Variants in MTMR7 observed in about 807,000 individuals in gnomAD.
The protein encoded by MTMR7 is phosphatidylinositol-3-phosphate phosphatase MTMR7.
In MTMR7, 76 loss-of-function variants were observed where a neutral mutation model predicts 81.2. That is an observed-to-expected ratio of 0.94 (90% CI 0.78 to 1.13). MTMR7 has a LOEUF of 1.13. Among genes scored for constraint, MTMR7 ranks in the 50% most tolerant of loss-of-function variants. The probability of loss-of-function intolerance (pLI) is 0.00; values close to 1 mark genes in which losing one functional copy is unlikely to be tolerated. For missense variants in MTMR7, 1,044 were observed against 820.0 expected, an observed-to-expected ratio of 1.27 and a Z score of -3.34; for synonymous variants, 372 against 289.8, an observed-to-expected ratio of 1.28 and a Z score of -2.88.
chr8:17,299,226 G>A lies in MTMR7; in HGVS notation c.*636C>T, dbSNP rs1586119378. 6.6e-6 allele frequency: 1 copy of A among 152,154 alleles called. No individual in the cohort carries two copies. The highest frequency in any genetic ancestry group is 1.5e-5 in the Non-Finnish European group (1 of 68,030). 9.4% of individuals were successfully genotyped at this position (152,154 alleles called of 1,614,324 possible). On this transcript the variant is annotated 3_prime_UTR_variant, in exon 14 of 14. Coordinates refer to ENST00000180173, the MANE Select transcript of MTMR7 (RefSeq NM_004686.5). ...AAGGTTTAGCATTTTTAAATAATGA[G>A]GAGAAACAGACTATAGATCTCAGAG...
chr8:17,303,782 G>A (rs1277882444), intron 12 of MTMR7, among the ~76,000 whole-genome samples: 1 of 151,990 alleles, frequency 6.6e-6, no homozygotes, highest in South Asian at 2.1e-4. Context: ...GCTAATTTTT[G>A]TATTTTCAGT....
chr8:17,397,112 G>T (rs78716543), intron 1 of MTMR7, among the ~76,000 whole-genome samples: 1 of 151,996 alleles, frequency 6.6e-6, no homozygotes, highest in Non-Finnish European at 1.5e-5. Context: ...AGACTGAGGC[G>T]TGCTGGCTTC....
In MTMR7 at chr8:17,362,113, T is replaced by C. The variant is rs929143181; in HGVS notation, c.311-839A>G. ...TCCAACAGAAATATAATGTGAGCTATGTATGTCATTTTAAATGTCCTTGTA... is the reference window on the plus strand; with the variant it reads ...TCCAACAGAAATATAATGTGAGCTACGTATGTCATTTTAAATGTCCTTGTA... On this transcript the variant is annotated intron_variant, in intron 3 of 13. Coordinates refer to ENST00000180173, the MANE Select transcript of MTMR7 (RefSeq NM_004686.5). 2.6e-5 allele frequency among the ~76,000 whole-genome samples: 4 copies of C among 152,306 alleles called. No homozygotes were observed. The South Asian group carries it at 6.2e-4, about 24-fold the overall frequency.
chr8:17,366,759 G>A (rs1380699845), intron 3 of MTMR7, among the ~76,000 whole-genome samples: 1 of 151,886 alleles, frequency 6.6e-6, no homozygotes, highest in African/African-American at 2.4e-5. Flanking sequence ...GGTGGCGGGT[G>A]CCTGTAGTCC....
At chr8:17,300,310 C>T in intron 13 of MTMR7, 86 bp from the exon 14 acceptor site, 1 of 1,350,896 alleles carries the variant, frequency 7.4e-7, no homozygotes, top group Non-Finnish European at 1.0e-6. Context: ...TTTGTTACCT[C>T]CCACGTGGGT....
rs34036522 is a variant in MTMR7 at position 17,346,799 on chromosome 8, CA to C, written c.597+2153del. On this transcript the variant is annotated intron_variant, in intron 5 of 13. Coordinates refer to ENST00000180173, the MANE Select transcript of MTMR7 (RefSeq NM_004686.5). ...TCTCTTCTTTAATCAATGGATGCTACAAAAAAAAAAATGTGCATGTTACCAG... is the reference window on the plus strand; with the variant it reads ...TCTCTTCTTTAATCAATGGATGCTACAAAAAAAAAATGTGCATGTTACCAG... Among the ~76,000 whole-genome samples, 179 of 110,868 alleles carry C rather than the reference CA, an allele frequency of 1.6e-3. 1 individual carries two copies. Among genetic ancestry groups the C allele is most frequent in the Middle Eastern group, 7.4e-3 (1 of 136 alleles). 72.7% of individuals were successfully genotyped at this position (110,868 alleles called of 152,430 possible).
chr8:17,307,919 G>A (rs1817565470), intron 10 of MTMR7, among the ~76,000 whole-genome samples: 1 of 151,838 alleles, frequency 6.6e-6, no homozygotes. Flanking sequence ...GATAGCATTA[G>A]GAGATATACC....
At chr8:17,381,576 C>G (rs117025009) in intron 1 of MTMR7, among the ~76,000 whole-genome samples, 2,869 of 152,254 alleles carry the variant, frequency 0.019, 52 homozygotes, top group Middle Eastern at 0.031. Flanking sequence ...GGCCGGGGTG[C>G]CAGTCATTGA....
At chr8:17,400,354 AG>A in intron 1 of MTMR7, among the ~76,000 whole-genome samples, 2 of 152,318 alleles carry the variant, frequency 1.3e-5, no homozygotes, top group Middle Eastern at 3.4e-3. Context: ...TAAATAAGTT[AG>A]TGAGCTGTAA....
Position 17,299,618 on chromosome 8 carries a change from T to C in MTMR7, c.*244A>G. On this transcript the variant is annotated 3_prime_UTR_variant, in exon 14 of 14. Coordinates refer to ENST00000180173, the MANE Select transcript of MTMR7 (RefSeq NM_004686.5). ...AATTGCTCTGCAGTGAATATAATTT[T>C]CATAGTCTAGGGTGAGCTTCAAAAT... The C allele has an allele frequency of 2.0e-6, 1 of 498,326 alleles. No individual in the cohort carries two copies. Among genetic ancestry groups the C allele is most frequent in the Non-Finnish European group, 3.6e-6 (1 of 279,842 alleles). 30.9% of individuals were successfully genotyped at this position (498,326 alleles called of 1,614,324 possible).
intron 1 of MTMR7, among the ~76,000 whole-genome samples, chr8:17,410,198 G>C (rs747278418): frequency 2.0e-5 from 3 of 152,184 alleles, no homozygotes; most frequent in African/African-American, 7.2e-5. Context: ...GGTGTACCAA[G>C]GAAGAGAAGA....
intron 7 of MTMR7, among the ~76,000 whole-genome samples, chr8:17,324,720 G>C (rs1586188115): frequency 6.6e-6 from 1 of 152,226 alleles, no homozygotes; most frequent in South Asian, 2.1e-4. Context: ...TTTCCATGTA[G>C]AGCGACCTAT....
At chr8:17,308,760 A>G (rs1344752990) in intron 10 of MTMR7, among the ~76,000 whole-genome samples, 1 of 152,190 alleles carries the variant, frequency 6.6e-6, no homozygotes, top group Admixed American at 6.5e-5. Context: ...CAGACAGCCC[A>G]GACGTCCAAG....
intron 6 of MTMR7, among the ~76,000 whole-genome samples, chr8:17,334,326 G>A (rs17124401): frequency 0.19 from 28,961 of 152,060 alleles, 4,587 homozygotes; most frequent in African/African-American, 0.44. Context: ...AGTAAGATAC[G>A]GCATCCCTTA....
At chr8:17,377,380 A>C (rs1820621497) in intron 1 of MTMR7, among the ~76,000 whole-genome samples, 1 of 152,070 alleles carries the variant, frequency 6.6e-6, no homozygotes, top group Non-Finnish European at 1.5e-5. Flanking sequence ...TCTGTGGGTA[A>C]ACCCCTCTCT....
intron 1 of MTMR7, among the ~76,000 whole-genome samples, chr8:17,383,092 T>C (rs1344699950): frequency 6.6e-6 from 1 of 151,414 alleles, no homozygotes; most frequent in East Asian, 1.9e-4. Context: ...CTGGGGGGTG[T>C]GGAAGGTCCC....
chr8:17,383,008 T>C (rs1288802808), intron 1 of MTMR7, among the ~76,000 whole-genome samples: 1 of 150,514 alleles, frequency 6.6e-6, no homozygotes, highest in Non-Finnish European at 1.5e-5. Context: ...TGAGAGCGGC[T>C]GGTGTTCCTC....
chr8:17,403,608 A>C lies in MTMR7; in HGVS notation c.24+9661T>G, dbSNP rs1233520750. Reference sequence around the variant, plus strand: ...TTTATGATTTTTTCTATTTCTGTCAAGAATGGCATTGGCATTTTGATAAGG... The same window carrying C: ...TTTATGATTTTTTCTATTTCTGTCACGAATGGCATTGGCATTTTGATAAGG... On this transcript the variant is annotated intron_variant, in intron 1 of 13. Coordinates refer to ENST00000180173, the MANE Select transcript of MTMR7 (RefSeq NM_004686.5). Among the ~76,000 whole-genome samples, 32 of 152,202 alleles carry C rather than the reference A, an allele frequency of 2.1e-4. 1 individual carries two copies. Among genetic ancestry groups the C allele is most frequent in the Admixed American group, 2.1e-3 (32 of 15,278 alleles).
In MTMR7 at chr8:17,313,363, A is replaced by C. The variant is rs1406350277; in HGVS notation, c.904T>G (p.Trp302Gly). The C allele has an allele frequency of 6.2e-7, 1 of 1,612,970 alleles. No individual in the cohort carries two copies. The change falls in exon 8 of 14, where the codon TGG becomes GGG. Residue 302 changes from tryptophan to glycine, a missense_variant. By Grantham distance (184) the Trp-to-Gly change is radical. Coordinates refer to ENST00000180173, the MANE Select transcript of MTMR7 (RefSeq NM_004686.5). ...LKSPSMSDFL[W>G]GLENSGWLRH... is the part of the protein sequence containing the mutation. The stretch of plus-strand genomic sequence containing the variant: ...AACCAGCCAGAGTTCTCCAGACCCC[A>C]CAGGAAATCACTCATGGAGGGAGAT...
Sources: gnomAD v4.1 joint callset for allele counts (sites outside exome capture counted in the v4.1 genomes callset) on GRCh38, gnomAD v4.1.1 for gene constraint, MANE v1.5 for transcripts, NCBI Gene and HGNC (gene_info 2026-07-23, HGNC 2026-07-21) for gene names.